The following THADA variants were observed in gnomAD, a reference collection of about 807,000 sequenced individuals.
THADA encodes THADA armadillo repeat containing, also known as tRNA (32-2'-O)-methyltransferase regulator THADA.
Under a neutral mutation model 219.8 loss-of-function variants are expected in THADA, and 213 were observed. The ratio of observed to expected loss-of-function variants is 0.97; its 90% confidence interval spans 0.87 to 1.09. THADA has a LOEUF of 1.09. THADA is among the 50% of genes least tolerant of loss of function. THADA has a pLI of 0.00. For missense variants in THADA, 2,956 were observed against 2,311.3 expected (o/e 1.28, Z -5.72); for synonymous variants, 1,018 against 828.9 (o/e 1.23, Z -3.92).
intron 36 of THADA, among the ~76,000 whole-genome samples, chr2:43,242,258 G>C (rs1464821648): frequency 6.6e-6 from 1 of 152,154 alleles, no homozygotes; most frequent in Non-Finnish European, 1.5e-5. Flanking sequence ...ACTTGACTGT[G>C]GTCTTATACT....
intron 25 of THADA, among the ~76,000 whole-genome samples, chr2:43,493,127 T>C (rs1295696581): frequency 6.6e-6 from 1 of 152,170 alleles, no homozygotes; most frequent in Non-Finnish European, 1.5e-5. Context: ...ACAGGATCTT[T>C]TTCCTACCCT....
chr2:43,282,015 C>T (rs1323915556), intron 35 of THADA, among the ~76,000 whole-genome samples: 1 of 152,158 alleles, frequency 6.6e-6, no homozygotes, highest in Non-Finnish European at 1.5e-5. Context: ...AGTGATCTTC[C>T]TGCCTCGTCC....
At chr2:43,442,486 ATT>A in intron 26 of THADA, among the ~76,000 whole-genome samples, 1 of 152,214 alleles carries the variant, frequency 6.6e-6, no homozygotes, top group African/African-American at 2.4e-5. Flanking sequence ...GCCTTGAAAA[ATT>A]AGTAAGACTG....
intron 22 of THADA, among the ~76,000 whole-genome samples, chr2:43,509,598 G>A (rs1690130586): frequency 6.6e-6 from 1 of 152,066 alleles, no homozygotes. Flanking sequence ...AAAGATAACT[G>A]ATTTCCAATT....
At position 43,489,874 on chromosome 2, in the gene THADA, C is replaced by CAAAAAAAAAAAAAAAAAAAAAAAAAA. The variant is rs201735523; in HGVS notation, c.3745-4550_3745-4549insTTTTTTTTTTTTTTTTTTTTTTTTTT. The stretch of plus-strand genomic sequence containing the variant: ...ATTTCCATATGTATTTTAAGATCTG[C>CAAAAAAAAAAAAAAAAAAAAAAAAAA]AAAAAAAAAAAAAAAAAAAAGCTAG... On this transcript the variant is annotated intron_variant, in intron 25 of 37. Transcript: ENST00000405975. Among the ~76,000 whole-genome samples, 86 of 56,040 alleles carry CAAAAAAAAAAAAAAAAAAAAAAAAAA rather than the reference C, an allele frequency of 1.5e-3. 14 individuals are homozygous for CAAAAAAAAAAAAAAAAAAAAAAAAAA. The highest frequency in any genetic ancestry group is 2.9e-3 in the African/African-American group (43 of 15,006). The allele number at this position is 56,040 out of a possible 152,430, so 36.8% of individuals were successfully genotyped here.
At chr2:43,304,125 A>G (rs1181931842) in intron 31 of THADA, among the ~76,000 whole-genome samples, 1 of 152,098 alleles carries the variant, frequency 6.6e-6, no homozygotes, top group East Asian at 1.9e-4. Context: ...GTGCTCAGAG[A>G]GCTCCTGCAT....
At chr2:43,541,903 G>A (rs921017537) in intron 20 of THADA, among the ~76,000 whole-genome samples, 2 of 151,992 alleles carry the variant, frequency 1.3e-5, no homozygotes, top group Non-Finnish European at 2.9e-5. Flanking sequence ...CTGCCTCTCT[G>A]TCATAAAGTA....
chr2:43,462,660 G>T (rs1202001425), intron 26 of THADA, among the ~76,000 whole-genome samples: 1 of 152,058 alleles, frequency 6.6e-6, no homozygotes, highest in East Asian at 1.9e-4. Context: ...AAAGAATTTT[G>T]GTTTCTCTTC....
At chr2:43,410,377 A>G (rs1389086742) in intron 28 of THADA, among the ~76,000 whole-genome samples, 1 of 152,206 alleles carries the variant, frequency 6.6e-6, no homozygotes, top group Non-Finnish European at 1.5e-5. Flanking sequence ...CACCTGTTCA[A>G]TTCCTGTGTA....
chr2:43,271,134 C>T (rs1268165680), intron 36 of THADA, among the ~76,000 whole-genome samples: 2 of 152,202 alleles, frequency 1.3e-5, no homozygotes, highest in African/African-American at 4.8e-5. Flanking sequence ...TATCCACCTG[C>T]TGGGCACTTC....
At chr2:43,305,197 C>A (rs1343062944) in intron 31 of THADA, among the ~76,000 whole-genome samples, 1 of 151,620 alleles carries the variant, frequency 6.6e-6, no homozygotes, top group Non-Finnish European at 1.5e-5. Flanking sequence ...GAAAAGGAAA[C>A]CATAGGAACA....
chr2:43,319,881 A>C (rs1026535267), intron 31 of THADA, among the ~76,000 whole-genome samples: 2 of 152,154 alleles, frequency 1.3e-5, no homozygotes, highest in African/African-American at 4.8e-5. Context: ...TGGAGTTGCC[A>C]TTTTCCCTTA....
chr2:43,344,347 C>T (rs1413890603), intron 29 of THADA, 110 bp from the exon 30 acceptor site: 1 of 713,428 alleles, frequency 1.4e-6, no homozygotes, highest in Non-Finnish European at 2.3e-6. Flanking sequence ...AAAACAGACA[C>T]CTGCAGAATG....
At chr2:43,344,922 G>A (rs1025595750) in intron 29 of THADA, among the ~76,000 whole-genome samples, 24 of 152,238 alleles carry the variant, frequency 1.6e-4, no homozygotes, top group African/African-American at 5.3e-4. Flanking sequence ...TCTGTGAGGA[G>A]TACAAATCTA....
chr2:43,245,172 C>CTTCTTCTTT lies in THADA; in HGVS notation c.5297-12291_5297-12290insAAAGAAGAA, dbSNP rs796699945. ...TACTGGAGCTTCTTTCTTTCTTCTT[C>CTTCTTCTTT]TTTTTTTTTTTTTTTTTTGAGACGG... On this transcript the variant is annotated intron_variant, in intron 36 of 37. Coordinates refer to ENST00000405975, the MANE Select transcript of THADA (RefSeq NM_022065.5). Among the ~76,000 whole-genome samples, 87 of 103,096 alleles carry CTTCTTCTTT rather than the reference C, an allele frequency of 8.4e-4. 1 individual carries two copies. The highest frequency in any genetic ancestry group is 4.1e-3 in the African/African-American group (82 of 20,020). 67.6% of individuals were successfully genotyped at this position (103,096 alleles called of 152,430 possible).
intron 23 of THADA, among the ~76,000 whole-genome samples, chr2:43,507,708 C>T (rs6757251): frequency 0.13 from 19,301 of 152,082 alleles, 1,508 homozygotes; most frequent in African/African-American, 0.22. Flanking sequence ...ATTTTCAGTG[C>T]TTTTATTATA....
intron 36 of THADA, chr2:43,233,301 C>T (rs979904872): frequency 5.9e-6 from 1 of 168,138 alleles, no homozygotes; most frequent in Non-Finnish European, 1.3e-5. Flanking sequence ...CATCCTAGAG[C>T]AGGGCATCGG....
chr2:43,574,777 C>G lies in THADA; in HGVS notation c.1288G>C (p.Asp430His). 2.5e-6 allele frequency: 4 copies of G among 1,614,018 alleles called. No homozygotes were observed. The highest frequency in any genetic ancestry group is 3.4e-6 in the Non-Finnish European group (4 of 1,179,896). Reference protein sequence around the residue: ...QMHRLTVEGADFVPDPFFVEL... With the variant: ...QMHRLTVEGAHFVPDPFFVEL... ...ACAAAGAAAGGATCAGGGACGAAAT[C>G]TGCACCTTCCACAGTGAGCCGGTGC... is the stretch of plus-strand genomic sequence containing the variant. The change falls in exon 11 of 38, where the codon GAT becomes CAT. Residue 430 changes from aspartate (D) to histidine (H), a missense_variant. Coordinates refer to ENST00000405975, the MANE Select transcript of THADA (RefSeq NM_022065.5).
chr2:43,254,873 C>T (rs1670151586), intron 36 of THADA, among the ~76,000 whole-genome samples: 1 of 152,168 alleles, frequency 6.6e-6, no homozygotes, highest in Admixed American at 6.5e-5. Flanking sequence ...TTCTCGGTCC[C>T]CCCACTGGTC....
Sources: gnomAD v4.1 joint callset for allele counts (sites outside exome capture counted in the v4.1 genomes callset) on GRCh38, gnomAD v4.1.1 for gene constraint, MANE v1.5 for transcripts, NCBI Gene and HGNC (gene_info 2026-07-23, HGNC 2026-07-21) for gene names.